SEC14L3: variants seen among roughly 807,000 people sequenced by gnomAD.
The protein encoded by SEC14L3 is SEC14 like lipid binding 3.
A neutral mutation model predicts 57.4 loss-of-function variants in SEC14L3; 56 were observed. The ratio of observed to expected loss-of-function variants is 0.97; its 90% CI spans 0.79 to 1.22. The LOEUF is 1.22. Ranked by LOEUF, SEC14L3 falls within the 50% of genes most tolerant of loss-of-function variation. The pLI is 0.00. For synonymous variants in SEC14L3, 173 were observed against 194.4 expected, an observed-to-expected ratio of 0.89 and a Z score of 0.92; for missense variants, 485 against 511.7, an observed-to-expected ratio of 0.95 and a Z score of 0.50.
chr22:30,448,959 A>G, exon 13 of SEC14L3: 3 of 831,698 alleles, frequency 3.6e-6, no homozygotes, highest in Non-Finnish European at 5.7e-6. Context: ...CCCTCTGAGT[A>G]TAGATAACCC....
At chr22:30,455,066 TA>T (rs1464115166), downstream of SEC14L3, among the ~76,000 whole-genome samples, 1 of 36,090 alleles carries the variant, frequency 2.8e-5, no homozygotes. Flanking sequence ...ATATTATATA[TA>T]ATATATAATA....
intron 11 of SEC14L3, among the ~76,000 whole-genome samples, chr22:30,460,425 C>T (rs969235448): frequency 3.9e-5 from 6 of 152,206 alleles, no homozygotes; most frequent in African/African-American, 7.2e-5. Flanking sequence ...ACGCACATGA[C>T]GGGGCTGTGA....
downstream of SEC14L3, among the ~76,000 whole-genome samples, chr22:30,454,820 TATAATATA>T: frequency 5.5e-5 from 2 of 36,312 alleles, no homozygotes; most frequent in African/African-American, 4.6e-4. Flanking sequence ...TTTTATATAT[TATAATATA>T]ATATATAATA....
intron 10 of SEC14L3, 38 bp from the exon 11 acceptor site, chr22:30,461,517 G>C: frequency 1.9e-6 from 3 of 1,613,892 alleles, no homozygotes; most frequent in South Asian, 2.2e-5. Context: ...TTGCTGCTCA[G>C]CCTGATGGGT....
intron 12 of SEC14L3, among the ~76,000 whole-genome samples, chr22:30,451,571 C>T (rs961394376): frequency 1.3e-5 from 2 of 152,170 alleles, no homozygotes; most frequent in African/African-American, 2.4e-5. Context: ...AAAGCTGAAA[C>T]TAAGACTGTG....
intron 12 of SEC14L3, among the ~76,000 whole-genome samples, chr22:30,452,733 T>G (rs1935013057): frequency 6.7e-6 from 1 of 148,354 alleles, no homozygotes; most frequent in African/African-American, 2.5e-5. Context: ...TTTTTTTTTT[T>G]GACAGGTTCT....
chr22:30,460,954 G>C (rs1239478433), intron 11 of SEC14L3, among the ~76,000 whole-genome samples: 1 of 152,164 alleles, frequency 6.6e-6, no homozygotes. Context: ...CTACCCTGAG[G>C]CTCGGGTGGG....
chr22:30,471,350 A>T (rs1037900026), intron 1 of SEC14L3: 14 of 446,892 alleles, frequency 3.1e-5, no homozygotes, highest in African/African-American at 2.8e-4. Context: ...TGGAGTTTGG[A>T]TGCATTCTTA....
chr22:30,455,073 TAA>T (rs1363033753), downstream of SEC14L3, among the ~76,000 whole-genome samples: 4 of 72,290 alleles, frequency 5.5e-5, no homozygotes, highest in South Asian at 4.6e-4. Flanking sequence ...ATATAATATA[TAA>T]TATATTAAAT....
downstream of SEC14L3, among the ~76,000 whole-genome samples, chr22:30,457,604 A>C (rs1021978597): frequency 6.6e-6 from 1 of 151,834 alleles, no homozygotes; most frequent in Non-Finnish European, 1.5e-5. Context: ...GCTGGTCTCG[A>C]ACTCCTGACG....
At chr22:30,469,028 C>T in intron 4 of SEC14L3, 1 of 1,292,374 alleles carries the variant, frequency 7.7e-7, no homozygotes, top group Admixed American at 3.0e-5. Flanking sequence ...GGTTCAAAAA[C>T]AGACACTGGC....
At chr22:30,461,771 A>G (rs1023010398) in intron 9 of SEC14L3, 77 bp from the exon 10 acceptor site, 7 of 1,533,272 alleles carry the variant, frequency 4.6e-6, no homozygotes, top group Non-Finnish European at 5.3e-6. Flanking sequence ...AGACACTTTC[A>G]CCACCTCCTG....
chr22:30,457,902 T>G (rs1206337212), downstream of SEC14L3, among the ~76,000 whole-genome samples: 2 of 152,218 alleles, frequency 1.3e-5, no homozygotes, highest in Admixed American at 1.3e-4. Flanking sequence ...CTGTCACCTG[T>G]AGGCTGAAGA....
At chr22:30,456,585 C>T (rs191909216), downstream of SEC14L3, among the ~76,000 whole-genome samples, 4 of 152,110 alleles carry the variant, frequency 2.6e-5, no homozygotes, top group East Asian at 1.9e-4. Flanking sequence ...CTCATTATGG[C>T]GGGCAGGCAC....
intron 12 of SEC14L3, among the ~76,000 whole-genome samples, chr22:30,449,991 G>A (rs1233819511): frequency 1.3e-5 from 2 of 152,140 alleles, no homozygotes; most frequent in Non-Finnish European, 2.9e-5. Context: ...AGGCTGGCCT[G>A]GCTTCCTGAT....
chr22:30,469,922 ACAGGCCTCTCAGGC>A (rs779401165), intron 4 of SEC14L3, 83 bp downstream of exon 4: 88 of 913,134 alleles, frequency 9.6e-5, no homozygotes, highest in Non-Finnish European at 1.3e-4. Flanking sequence ...TGCGGGTTCC[ACAGGCCTCTCAGGC>A]TTGCTGCCCC....
chr22:30,457,462 A>G (rs1220131675), downstream of SEC14L3, among the ~76,000 whole-genome samples: 1 of 146,410 alleles, frequency 6.8e-6, no homozygotes, highest in East Asian at 2.0e-4. Flanking sequence ...AGCCCACTGC[A>G]ATCTCCACCT....
At chr22:30,461,524 G>T in intron 10 of SEC14L3, 31 bp downstream of exon 10, 1 of 1,613,912 alleles carries the variant, frequency 6.2e-7, no homozygotes, top group Non-Finnish European at 8.5e-7. Flanking sequence ...TCAGCCTGAT[G>T]GGTCTCTGAG....
Position 30,471,771 on chromosome 22 carries a change from T to A in SEC14L3, c.54+134A>T, listed in dbSNP as rs536791449. On this transcript the variant is annotated intron_variant, in intron 1 of 11. Transcript: ENST00000215812. Reference sequence around the variant, plus strand: ...CTGGGCACCGTGGGGCTTGACCCTTTGGGAGGTAACACCAAAGAGACAATG... The same window carrying A: ...CTGGGCACCGTGGGGCTTGACCCTTAGGGAGGTAACACCAAAGAGACAATG... The A allele has an allele frequency of 2.1e-5, 28 of 1,316,062 alleles. 1 individual carries two copies. The African/African-American group carries it at 2.9e-4, about 14-fold the overall frequency. The allele number at this position is 1,316,062 out of a possible 1,614,324, so 81.5% of individuals were successfully genotyped here.
Sources: gnomAD v4.1 joint callset for allele counts (sites outside exome capture counted in the v4.1 genomes callset) on GRCh38, gnomAD v4.1.1 for gene constraint, MANE v1.5 for transcripts, NCBI Gene and HGNC (gene_info 2026-07-23, HGNC 2026-07-21) for gene names.